Variants in FARP1 observed in about 807,000 individuals in gnomAD.
FARP1 encodes FERM, ARHGEF and pleckstrin domain-containing protein 1.
FARP1 carries 52 observed loss-of-function variants against 128.8 expected under a neutral mutation model. The observed-to-expected ratio is 0.40, with a 90% CI of 0.32 to 0.51. FARP1 has a LOEUF of 0.51. FARP1 is among the 20% of genes least tolerant of loss of function. FARP1 has a pLI of 0.45. For synonymous variants in FARP1, 580 were observed against 551.8 expected, an observed-to-expected ratio of 1.05 and a Z score of -0.72; for missense variants, 1,333 against 1,367.9, an observed-to-expected ratio of 0.97 and a Z score of 0.40.
chr13:98,168,871 G>C (rs188530193), intron 1 of FARP1, among the ~76,000 whole-genome samples: 53 of 152,198 alleles, frequency 3.5e-4, no homozygotes, highest in East Asian at 1.7e-3. Context: ...CTGTGGGCAG[G>C]GGGGATCAGC....
intron 2 of FARP1, among the ~76,000 whole-genome samples, chr13:98,304,660 TCACCTTCG>T (rs1886063477): frequency 6.6e-6 from 1 of 152,228 alleles, no homozygotes; most frequent in African/African-American, 2.4e-5. Flanking sequence ...TTAAGTGGTA[TCACCTTCG>T]CAGACCAAAC....
intron 3 of FARP1, among the ~76,000 whole-genome samples, chr13:98,363,770 C>T (rs530636247): frequency 1.3e-5 from 2 of 152,272 alleles, no homozygotes; most frequent in South Asian, 2.1e-4. Context: ...AAGACAGAGT[C>T]TCGCTCTGTC....
chr13:98,176,193 A>G lies in FARP1; in HGVS notation c.-24+32701A>G. The G allele has an allele frequency of 6.2e-7, 1 of 1,610,428 alleles. No homozygotes were observed. The highest frequency in any genetic ancestry group is 8.5e-7 in the Non-Finnish European group (1 of 1,176,948). ...TCTTTTTTCCTAAAAGAACAAAAAA[A>G]TTTATTTAAATGTGAGAATTATGGG... is the stretch of plus-strand genomic sequence containing the variant. On this transcript the variant is annotated intron_variant, in intron 1 of 26. Coordinates refer to ENST00000319562, the MANE Select transcript of FARP1 (RefSeq NM_005766.4). The surrounding 1 kb of genome is among the most constrained non-coding windows in gnomAD (Gnocchi z 6.2).
chr13:98,256,215 A>G (rs1254622768), intron 2 of FARP1, among the ~76,000 whole-genome samples: 1 of 152,244 alleles, frequency 6.6e-6, no homozygotes, highest in Non-Finnish European at 1.5e-5. Context: ...GTTGATAAAC[A>G]TTTGTTAGGA....
At chr13:98,412,212 G>T (rs1238853740) in intron 16 of FARP1, among the ~76,000 whole-genome samples, 178 bp downstream of exon 16, 2 of 152,152 alleles carry the variant, frequency 1.3e-5, no homozygotes, top group Non-Finnish European at 2.9e-5. Flanking sequence ...GATCTCATTT[G>T]CAGTTTCTTT....
chr13:98,294,544 C>T lies in FARP1; in HGVS notation c.172-49218C>T, dbSNP rs1007462195. ...AGGACAGTGCTTGCTTATTACTTTT[C>T]GGCACAAGTCATTATAGGGAAAGAT... On this transcript the variant is annotated intron_variant, in intron 2 of 26. Coordinates refer to ENST00000319562, the MANE Select transcript of FARP1 (RefSeq NM_005766.4). 5.3e-5 allele frequency among the ~76,000 whole-genome samples: 8 copies of T among 152,108 alleles called. No individual in the cohort carries two copies. In the East Asian group the frequency reaches 5.8e-4, roughly 11 times the overall value.
chr13:98,291,098 C>T (rs1198587464), intron 2 of FARP1, among the ~76,000 whole-genome samples: 1 of 152,080 alleles, frequency 6.6e-6, no homozygotes, highest in East Asian at 1.9e-4. Flanking sequence ...CCTTTTGACT[C>T]CCCAAAAACT....
chr13:98,288,016 G>A (rs1885275101), intron 2 of FARP1, among the ~76,000 whole-genome samples: 1 of 152,066 alleles, frequency 6.6e-6, no homozygotes, highest in African/African-American at 2.4e-5. Flanking sequence ...TGGCCAGGAT[G>A]GTCTGGATCT....
intron 2 of FARP1, among the ~76,000 whole-genome samples, chr13:98,247,254 C>T (rs1032232231): frequency 2.0e-5 from 3 of 152,178 alleles, no homozygotes; most frequent in African/African-American, 7.2e-5. Context: ...AAAAAAGTAG[C>T]TGTTCCTTTC....
intron 24 of FARP1, chr13:98,445,808 A>C: frequency 1.4e-5 from 4 of 292,358 alleles, no homozygotes; most frequent in East Asian, 8.2e-5. Flanking sequence ...CAACGAGCCT[A>C]TTTCCAAATA....
chr13:98,233,082 G>C (rs189614680), intron 2 of FARP1, among the ~76,000 whole-genome samples: 1 of 152,306 alleles, frequency 6.6e-6, no homozygotes, highest in Admixed American at 6.5e-5. Context: ...TTTTTCCAAG[G>C]CATGGATGGT....
At position 98,451,785 on chromosome 13, in the gene FARP1, C is replaced by T. The variant is rs551499582; in HGVS notation, c.*3468C>T. On this transcript the variant is annotated 3_prime_UTR_variant, in exon 27 of 27. Transcript: ENST00000319562. ...AACAGCTGCTGCACGAACCCTCCCA[C>T]TCCAGAAACCCAGAGATTTTCCCCC... The T allele has an allele frequency of 6.6e-6, 1 of 152,476 alleles. No homozygotes were observed. Among genetic ancestry groups the T allele is most frequent in the South Asian group, 2.1e-4 (1 of 4,828 alleles). The allele number at this position is 152,476 out of a possible 1,614,324, so 9.4% of individuals were successfully genotyped here.
chr13:98,327,328 T>C (rs1887278001), intron 2 of FARP1, among the ~76,000 whole-genome samples: 1 of 152,178 alleles, frequency 6.6e-6, no homozygotes. Flanking sequence ...TCGAAACCCA[T>C]GTTTCTTAGT....
chr13:98,238,473 G>A (rs2139434401), intron 2 of FARP1, among the ~76,000 whole-genome samples: 1 of 152,284 alleles, frequency 6.6e-6, no homozygotes, highest in East Asian at 1.9e-4. Context: ...ACATATCTGA[G>A]ACTGGGTAAT....
At chr13:98,187,043 T>C (rs755493561) in intron 1 of FARP1, among the ~76,000 whole-genome samples, 4 of 135,548 alleles carry the variant, frequency 3.0e-5, no homozygotes, top group Non-Finnish European at 3.1e-5. Flanking sequence ...CATACAGATA[T>C]ATGTGTTCAA....
chr13:98,407,166 C>T (rs1302200298), intron 13 of FARP1: 1 of 152,670 alleles, frequency 6.6e-6, no homozygotes, highest in Non-Finnish European at 1.5e-5. Flanking sequence ...CACCCGATCT[C>T]ACGCACAGTG....
chr13:98,191,581 T>G (rs4772047), intron 1 of FARP1, among the ~76,000 whole-genome samples: 56,946 of 152,132 alleles, frequency 0.37, 12,373 homozygotes, highest in Non-Finnish European at 0.48. Context: ...GAGACTATGC[T>G]TCTTCATTTT....
intron 2 of FARP1, among the ~76,000 whole-genome samples, chr13:98,311,235 T>C (rs558173956): frequency 4.0e-4 from 61 of 152,342 alleles, no homozygotes; most frequent in Middle Eastern, 3.4e-3. Flanking sequence ...TATCCTCATT[T>C]TGCACATGGG....
intron 2 of FARP1, among the ~76,000 whole-genome samples, chr13:98,255,695 CA>C (rs1883554633): frequency 6.6e-6 from 1 of 152,180 alleles, no homozygotes; most frequent in Non-Finnish European, 1.5e-5. Context: ...CCCTACCTAG[CA>C]GATTTAAAAG....
Sources: gnomAD v4.1 joint callset for allele counts (sites outside exome capture counted in the v4.1 genomes callset) on GRCh38, gnomAD v4.1.1 for gene constraint, Gnocchi (gnomAD v3.1) non-coding constraint, MANE v1.5 for transcripts, NCBI Gene and HGNC (gene_info 2026-07-23, HGNC 2026-07-21) for gene names.